Variants in DMD observed in about 807,000 individuals in gnomAD.
DMD encodes the protein dystrophin.
A neutral mutation model predicts 330.1 loss-of-function variants in DMD; 63 were observed. The ratio of observed to expected loss-of-function variants is 0.19; its 90% CI spans 0.16 to 0.24. DMD has a LOEUF of 0.24. Ranked by LOEUF, DMD falls within the 10% of genes least tolerant of loss-of-function variation. DMD has a pLI of 1.00. For missense variants in DMD, 3,344 were observed against 2,684.1 expected, an observed-to-expected ratio of 1.25 and a Z score of -5.43; for synonymous variants, 1,223 against 959.8, an observed-to-expected ratio of 1.27 and a Z score of -5.07.
At chrX:31,432,240 C>A (rs1445380821) in intron 60 of DMD, among the ~76,000 whole-genome samples, 1 of 111,612 alleles carries the variant, frequency 9.0e-6, no homozygotes, top group African/African-American at 3.3e-5. Flanking sequence ...TGGTTCAATT[C>A]TATTCACTAT....
At chrX:33,287,516 A>T (rs1603428452) in intron 1 of DMD, among the ~76,000 whole-genome samples, 2 of 111,597 alleles carry the variant, frequency 1.8e-5, no homozygotes, top group Non-Finnish European at 3.8e-5. Flanking sequence ...GGCATCAAGG[A>T]TATTTATTAT....
At chrX:31,218,295 T>C (rs1373083948) in intron 64 of DMD, among the ~76,000 whole-genome samples, 3 of 109,421 alleles carry the variant, frequency 2.7e-5, no homozygotes, top group African/African-American at 1.0e-4. Context: ...CACAGGAATA[T>C]TCTCTAGCAC....
chrX:32,988,621 C>A (rs1175265809), intron 2 of DMD, among the ~76,000 whole-genome samples: 1 of 111,797 alleles, frequency 8.9e-6, no homozygotes, highest in African/African-American at 3.2e-5. Context: ...ATATTGATGT[C>A]TTTGTAGAAG....
intron 1 of DMD, among the ~76,000 whole-genome samples, chrX:33,237,189 C>CTCCTTCCCTCCCTTCCTCCCT (rs1237691409): frequency 1.1e-5 from 1 of 94,794 alleles, no homozygotes; most frequent in Non-Finnish European, 2.1e-5. Context: ...CCCTTCCTCC[C>CTCCTTCCCTCCCTTCCTCCCT]TCCTTCCCTC....
chrX:31,963,787 C>CAT (rs1302736890), intron 45 of DMD, among the ~76,000 whole-genome samples: 45 of 80,430 alleles, frequency 5.6e-4, no homozygotes, highest in Non-Finnish European at 1.0e-3. Flanking sequence ...GAGGAAAAAC[C>CAT]TTTTTTTTTT....
At chrX:31,553,783 A>T (rs2074636079) in intron 55 of DMD, among the ~76,000 whole-genome samples, 1 of 112,542 alleles carries the variant, frequency 8.9e-6, no homozygotes. Context: ...GTGTATTAAC[A>T]TAAAGTCAGA....
chrX:32,560,660 G>A (rs1025370727), intron 16 of DMD, among the ~76,000 whole-genome samples: 1 of 111,295 alleles, frequency 9.0e-6, no homozygotes, highest in Non-Finnish European at 1.9e-5. Context: ...CCATTGTTCA[G>A]CTCCTACTTA....
chrX:32,704,296 CAA>C lies in DMD; in HGVS notation c.650-5005_650-5004del, dbSNP rs562574732. ...GTGTATTTGAAGACCAAGTATCGCA[CAA>C]AGTTTGCTTTCAACATGCCCTCACC... On this transcript the variant is annotated intron_variant, in intron 7 of 78. Coordinates refer to ENST00000357033, the MANE Select transcript of DMD (RefSeq NM_004006.3). 3.5e-3 allele frequency among the ~76,000 whole-genome samples: 310 copies of C among 89,728 alleles called. 2 individuals are homozygous for C. The highest frequency in any genetic ancestry group is 4.8e-3 in the Non-Finnish European group (255 of 52,926). 77.9% of individuals were successfully genotyped at this position (89,728 alleles called of 115,157 possible).
Position 32,726,602 on chromosome X carries a change from G to T in DMD, c.650-27309C>A, listed in dbSNP as rs544668238. On this transcript the variant is annotated intron_variant, in intron 7 of 78. Coordinates refer to ENST00000357033, the MANE Select transcript of DMD (RefSeq NM_004006.3). ...GCTATAATAATATCGAAACCAGTAA[G>T]ATAAAATTTAACAGATCACCTTTAA... 1.7e-4 allele frequency among the ~76,000 whole-genome samples: 19 copies of T among 111,311 alleles called. No individual in the cohort carries two copies. The South Asian group carries it at 7.1e-3, about 42-fold the overall frequency.
intron 7 of DMD, among the ~76,000 whole-genome samples, chrX:32,710,786 G>T (rs1277916393): frequency 9.0e-6 from 1 of 111,050 alleles, no homozygotes; most frequent in African/African-American, 3.3e-5. Flanking sequence ...CTGCATACCT[G>T]GGGGTTTGAA....
chrX:31,309,711 G>A (rs949599392), intron 62 of DMD, among the ~76,000 whole-genome samples: 4 of 111,532 alleles, frequency 3.6e-5, no homozygotes, highest in Admixed American at 9.5e-5. Flanking sequence ...TCACACATGC[G>A]TTTCCAAAAC....
chrX:32,881,083 G>A (rs2083895625), intron 2 of DMD, among the ~76,000 whole-genome samples: 1 of 112,606 alleles, frequency 8.9e-6, no homozygotes, highest in African/African-American at 3.2e-5. Context: ...CAGAAACCAC[G>A]AAGGCAGCTG....
intron 3 of DMD, among the ~76,000 whole-genome samples, chrX:32,846,619 T>G (rs1216106776): frequency 1.8e-5 from 2 of 109,497 alleles, no homozygotes; most frequent in Non-Finnish European, 3.8e-5. Flanking sequence ...TCTCCATTTT[T>G]ACCTCTTAGA....
chrX:31,696,692 T>C (rs1238365714), intron 52 of DMD, among the ~76,000 whole-genome samples: 2 of 112,452 alleles, frequency 1.8e-5, no homozygotes, highest in East Asian at 2.8e-4. Context: ...GGACAATTCA[T>C]CTTTTTTAAA....
chrX:32,517,394 T>C (rs1467710828), intron 18 of DMD: 1 of 112,195 alleles, frequency 8.9e-6, no homozygotes, highest in African/African-American at 3.2e-5. Context: ...TAATAAAACT[T>C]CCTATTTGTG....
intron 52 of DMD, among the ~76,000 whole-genome samples, chrX:31,708,275 C>A (rs182849791): frequency 9.0e-6 from 1 of 111,570 alleles, no homozygotes; most frequent in African/African-American, 3.2e-5. Flanking sequence ...GATAATGACA[C>A]CCCAAGGGAG....
chrX:31,401,045 A>T (rs2061168914), intron 60 of DMD, among the ~76,000 whole-genome samples: 1 of 111,784 alleles, frequency 8.9e-6, no homozygotes, highest in Non-Finnish European at 1.9e-5. Context: ...CTGTACTCAA[A>T]CTGGGTTTGA....
At chrX:31,663,975 C>G (rs765199240) in intron 53 of DMD, among the ~76,000 whole-genome samples, 1 of 111,917 alleles carries the variant, frequency 8.9e-6, no homozygotes, top group African/African-American at 3.2e-5. Flanking sequence ...AATTGAATTA[C>G]TGGCCCCAAT....
intron 44 of DMD, among the ~76,000 whole-genome samples, chrX:32,039,772 T>C (rs184611372): frequency 1.5e-4 from 17 of 111,937 alleles, no homozygotes; most frequent in African/African-American, 5.2e-4. Flanking sequence ...TGAAACTTTG[T>C]AATCTTTGAA....
Sources: gnomAD v4.1 joint callset for allele counts (sites outside exome capture counted in the v4.1 genomes callset) on GRCh38, gnomAD v4.1.1 for gene constraint, MANE v1.5 for transcripts, NCBI Gene and HGNC (gene_info 2026-07-23, HGNC 2026-07-21) for gene names.